PRR5: variants seen among roughly 807,000 people sequenced by gnomAD.
PRR5 encodes the protein proline rich 5.
A neutral mutation model predicts 30.6 loss-of-function variants in PRR5; 25 were observed. That is an observed-to-expected ratio of 0.82 (90% CI 0.60 to 1.14). PRR5 has a LOEUF of 1.14. PRR5 is among the 50% of genes most tolerant of loss of function. PRR5 has a pLI of 0.00. For synonymous variants in PRR5, 286 were observed against 247.1 expected, an observed-to-expected ratio of 1.16 and a Z score of -1.48; for missense variants, 600 against 547.1, an observed-to-expected ratio of 1.10 and a Z score of -0.96.
intron 1 of PRR5, among the ~76,000 whole-genome samples, chr22:44,684,991 C>T (rs962702756): frequency 6.6e-6 from 1 of 152,190 alleles, no homozygotes; most frequent in Non-Finnish European, 1.5e-5. Context: ...TCCTGGTGGC[C>T]GCTGGGGTTA....
chr22:44,701,460 TGTTA>T (rs1441812838), upstream of PRR5, among the ~76,000 whole-genome samples: 5 of 152,244 alleles, frequency 3.3e-5, no homozygotes, highest in Admixed American at 2.6e-4. Flanking sequence ...AAGTAGTTCA[TGTTA>T]GTTCATGTGA....
At chr22:44,673,800 A>C (rs888136034), upstream of PRR5, among the ~76,000 whole-genome samples, 3 of 152,114 alleles carry the variant, frequency 2.0e-5, no homozygotes, top group Non-Finnish European at 4.4e-5. Flanking sequence ...TGGAGGGGCC[A>C]GGAGATCTAC....
chr22:44,726,542 A>G, intron 3 of PRR5, 35 bp from the exon 4 acceptor site: 2 of 1,613,744 alleles, frequency 1.2e-6, no homozygotes, highest in Non-Finnish European at 1.7e-6. Context: ...GGGCATCCAC[A>G]AGGGCGGTGA....
intron 2 of PRR5, among the ~76,000 whole-genome samples, chr22:44,717,967 G>A (rs1406223423): frequency 1.3e-5 from 2 of 151,238 alleles, no homozygotes; most frequent in East Asian, 3.9e-4. Flanking sequence ...CACCTGCCTC[G>A]GCCTCCCAGA....
At chr22:44,694,999 C>T (rs555820352) in intron 1 of PRR5, among the ~76,000 whole-genome samples, 28 of 152,174 alleles carry the variant, frequency 1.8e-4, no homozygotes, top group African/African-American at 6.5e-4. Context: ...GATGAAACCC[C>T]ATCTCTACTA....
chr22:44,719,225 G>A (rs559111500), intron 2 of PRR5, among the ~76,000 whole-genome samples: 8 of 151,084 alleles, frequency 5.3e-5, no homozygotes, highest in Admixed American at 1.3e-4. Context: ...GACTAGAGGC[G>A]TCCAGCACCA....
upstream of PRR5, among the ~76,000 whole-genome samples, chr22:44,675,594 A>T (rs1445949950): frequency 6.6e-6 from 1 of 152,142 alleles, no homozygotes; most frequent in Non-Finnish European, 1.5e-5. Flanking sequence ...GACCCCAGGC[A>T]GGGCTCTCAC....
intron 1 of PRR5, among the ~76,000 whole-genome samples, chr22:44,686,874 A>T (rs1243015159): frequency 6.6e-6 from 1 of 152,172 alleles, no homozygotes; most frequent in African/African-American, 2.4e-5. Context: ...GACCTCCCAA[A>T]ATGCTGGGAT....
At chr22:44,717,438 C>T (rs145799321) in intron 2 of PRR5, among the ~76,000 whole-genome samples, 115 of 152,014 alleles carry the variant, frequency 7.6e-4, no homozygotes, top group African/African-American at 2.3e-3. Context: ...ATGATCCACC[C>T]GTCTCAGCCT....
chr22:44,725,221 CTT>C lies in PRR5; in HGVS notation c.216-22_216-21del, dbSNP rs765256930. The C allele has an allele frequency of 1.8e-5, 29 of 1,613,670 alleles. No individual in the cohort carries two copies. In the East Asian group the frequency reaches 6.2e-4, roughly 35 times the overall value. ...AGTGCCGTGTGGTCTGGGACTCACT[CTT>C]GTCTCACCTCCCACCCACAGGCAGC... On this transcript the variant is annotated intron_variant, in intron 2 of 7. Coordinates refer to ENST00000336985, the MANE Select transcript of PRR5 (RefSeq NM_181333.4).
chr22:44,698,741 C>T (rs1925989244), upstream of PRR5, among the ~76,000 whole-genome samples: 3 of 152,354 alleles, frequency 2.0e-5, no homozygotes, highest in South Asian at 6.2e-4. Flanking sequence ...GTGTCAATCT[C>T]TCCGTTGTAA....
chr22:44,680,031 G>A, intron 1 of PRR5: 1 of 700,606 alleles, frequency 1.4e-6, no homozygotes, highest in Non-Finnish European at 2.4e-6. Context: ...GAGTGAGTGT[G>A]TTTGGTGGGG....
At chr22:44,681,761 G>C (rs879595135) in intron 1 of PRR5, among the ~76,000 whole-genome samples, 1 of 152,162 alleles carries the variant, frequency 6.6e-6, no homozygotes, top group Non-Finnish European at 1.5e-5. Context: ...TGAGTCCCAG[G>C]GGGACACCTG....
chr22:44,673,874 TGA>T (rs1923562841), upstream of PRR5, among the ~76,000 whole-genome samples: 1 of 152,132 alleles, frequency 6.6e-6, no homozygotes, highest in African/African-American at 2.4e-5. Context: ...AACCTGAGGC[TGA>T]GAGAGGAGTA....
chr22:44,683,686 CCT>C (rs1190492451), intron 1 of PRR5, among the ~76,000 whole-genome samples: 2 of 152,232 alleles, frequency 1.3e-5, no homozygotes, highest in African/African-American at 4.8e-5. Context: ...TGAATCAGGT[CCT>C]CTGATTGGCC....
chr22:44,725,158 C>A, intron 2 of PRR5, 86 bp from the exon 3 acceptor site: 1 of 1,582,704 alleles, frequency 6.3e-7, no homozygotes. Flanking sequence ...CTCCCCCTGC[C>A]CAGGAGGCCC....
rs942455588 is a variant in PRR5, at chr22:44,702,580, C to T, written c.106C>T (p.Arg36Trp). Residue 36 changes from arginine (R) to tryptophan (W), a missense_variant, in exon 1 of 8, where the codon CGG becomes TGG. Physicochemically the swap from Arg to Trp is moderately radical, Grantham distance 101. Coordinates refer to ENST00000336985, the MANE Select transcript of PRR5 (RefSeq NM_181333.4). Reference sequence around the variant, plus strand: ...GGACGAGCGGGGCACGCAGCAGCGCCGGGCCTGCGCCAACGCCACCTGGAA... The same window carrying T: ...GGACGAGCGGGGCACGCAGCAGCGCTGGGCCTGCGCCAACGCCACCTGGAA... ...AADERGTQQRRACANATWNSI... is the reference protein window; with the variant it reads ...AADERGTQQRWACANATWNSI... 1.1e-5 allele frequency: 15 copies of T among 1,390,480 alleles called. No individual in the cohort carries two copies. Among genetic ancestry groups the T allele is most frequent in the Non-Finnish European group, 8.4e-6 (9 of 1,070,056 alleles). The allele number at this position is 1,390,480 out of a possible 1,614,324, so 86.1% of individuals were successfully genotyped here. A position where few individuals can be genotyped will look rare whatever the true frequency, so the allele number is the denominator to read the frequency against.
chr22:44,722,659 A>G (rs779963894), intron 2 of PRR5, among the ~76,000 whole-genome samples: 3 of 152,214 alleles, frequency 2.0e-5, no homozygotes, highest in Non-Finnish European at 4.4e-5. Context: ...TAGATCATGC[A>G]GTCACTGTGT....
chr22:44,733,527 G>A (rs1225123569), intron 6 of PRR5, among the ~76,000 whole-genome samples: 1 of 152,186 alleles, frequency 6.6e-6, no homozygotes, highest in Non-Finnish European at 1.5e-5. Context: ...GTGCAAGGTG[G>A]GGGCTGCCCT....
Sources: allele counts gnomAD v4.1 joint callset (sites outside exome capture counted in the v4.1 genomes callset), GRCh38; gene constraint gnomAD v4.1.1; transcripts MANE v1.5; gene names NCBI Gene and HGNC (gene_info 2026-07-23, HGNC 2026-07-21).